Variants in CEP57 observed in about 807,000 individuals in gnomAD.
CEP57 encodes centrosomal protein 57.
Under a neutral mutation model 68.0 loss-of-function variants are expected in CEP57, and 40 were observed. The observed-to-expected ratio is 0.59, with a 90% CI of 0.46 to 0.77. The LOEUF (loss-of-function observed/expected upper bound fraction) is 0.77, where lower values mean the gene tolerates loss of function less well. CEP57 is among the 30% of genes least tolerant of loss of function. The probability of loss-of-function intolerance (pLI) is 0.00; values close to 1 mark genes in which losing one functional copy is unlikely to be tolerated. For synonymous variants in CEP57, 219 were observed against 198.7 expected (o/e 1.10, Z -0.86); for missense variants, 606 against 580.7 (o/e 1.04, Z -0.45).
At chr11:95,790,843 T>G (rs1181277916) in intron 1 of CEP57, 100 bp downstream of exon 1, 4 of 1,401,910 alleles carry the variant, frequency 2.9e-6, no homozygotes, top group Non-Finnish European at 4.0e-6. Context: ...TCTGACGCAA[T>G]TCTGGAGGTC....
At chr11:95,798,940 T>C (rs1432169081) in intron 1 of CEP57, among the ~76,000 whole-genome samples, 2 of 152,224 alleles carry the variant, frequency 1.3e-5, no homozygotes, top group African/African-American at 4.8e-5. Flanking sequence ...AGTATATATT[T>C]TTAACTGCGG....
chr11:95,812,670 C>T (rs1406385627), intron 2 of CEP57, among the ~76,000 whole-genome samples: 5 of 152,050 alleles, frequency 3.3e-5, no homozygotes, highest in Non-Finnish European at 7.4e-5. Context: ...GAACTCCTAA[C>T]CTCAGGTGAT....
chr11:95,824,677 C>T (rs1383056178), intron 8 of CEP57, among the ~76,000 whole-genome samples: 1 of 152,158 alleles, frequency 6.6e-6, no homozygotes, highest in African/African-American at 2.4e-5. Flanking sequence ...TCTGGAAAAA[C>T]ATGATGCCAC....
intron 8 of CEP57, chr11:95,826,807 C>G (rs891936814): frequency 4.6e-5 from 7 of 152,170 alleles, no homozygotes; most frequent in Admixed American, 1.3e-4. Context: ...ATAGTGGTTA[C>G]ATCGATTGAT....
chr11:95,827,684 A>G (rs182190982), intron 8 of CEP57, 102 bp from the exon 9 acceptor site: 3 of 1,303,576 alleles, frequency 2.3e-6, no homozygotes, highest in African/African-American at 1.5e-5. Context: ...TATATACTCT[A>G]CTTTAGGGGG....
intron 3 of CEP57, 40 bp downstream of exon 3, chr11:95,813,151 T>G: frequency 1.9e-6 from 3 of 1,573,178 alleles, no homozygotes; most frequent in Non-Finnish European, 2.6e-6. Flanking sequence ...TCAAAATAAG[T>G]GTTGTGCAGT....
At position 95,813,129 on chromosome 11, in the gene CEP57, ATT is replaced by A. The variant is rs1357095238; in HGVS notation, c.382+19_382+20del. The A allele has an allele frequency of 6.2e-7, 1 of 1,607,864 alleles. No homozygotes were observed. The highest frequency in any genetic ancestry group is 1.3e-5 in the African/African-American group (1 of 74,912). ...CAATCAAGGTTTGTTGATGAAGAAA[ATT>A]AAAATTCTATCAAAATAAGTGTTGT... On this transcript the variant is annotated intron_variant, in intron 3 of 10. Coordinates refer to ENST00000325542, the MANE Select transcript of CEP57 (RefSeq NM_014679.5).
At chr11:95,819,034 T>A in intron 6 of CEP57, 130 bp downstream of exon 6, 1 of 717,370 alleles carries the variant, frequency 1.4e-6, no homozygotes, top group Non-Finnish European at 2.4e-6. Context: ...TTTTCAGATA[T>A]AGGTTAATGT....
At position 95,813,099 on chromosome 11, in the gene CEP57, A is replaced by G; in HGVS notation, c.370A>G (p.Lys124Glu). Residue 124 changes from lysine to glutamate, a missense_variant, in exon 3 of 11, where the codon AAG (lysine) becomes GAG (glutamate). Coordinates refer to ENST00000325542, the MANE Select transcript of CEP57 (RefSeq NM_014679.5). ...GGAGAATTCAAAGAATGAGGAATCAAAGCACAATCAAGGTTTGTTGATGAA... is the reference window on the plus strand; with the variant it reads ...GGAGAATTCAAAGAATGAGGAATCAGAGCACAATCAAGGTTTGTTGATGAA... ...ERENSKNEES[K>E]HNQELTSQLL... is the part of the protein sequence containing the mutation. 2 of 1,612,632 alleles carry G rather than the reference A, an allele frequency of 1.2e-6. No individual in the cohort carries two copies. Among genetic ancestry groups the G allele is most frequent in the South Asian group, 1.1e-5 (1 of 90,988 alleles).
At chr11:95,816,404 C>G (rs1293715005) in intron 4 of CEP57, among the ~76,000 whole-genome samples, 1 of 152,032 alleles carries the variant, frequency 6.6e-6, no homozygotes, top group African/African-American at 2.4e-5. Context: ...AGAGGTAGAC[C>G]ACATCAATAA....
At position 95,831,914 on chromosome 11, in the gene CEP57, A is replaced by G. The variant is rs768404933; in HGVS notation, c.*658A>G. 2.0e-5 allele frequency: 3 copies of G among 152,172 alleles called. No individual in the cohort carries two copies. The highest frequency in any genetic ancestry group is 2.9e-5 in the Non-Finnish European group (2 of 68,022). The allele number at this position is 152,172 out of a possible 1,614,324, so 9.4% of individuals were successfully genotyped here. A position where few individuals can be genotyped will look rare whatever the true frequency, so the allele number is the denominator to read the frequency against. ...TATAAAAATTATAAAAGGATTTTTG[A>G]AAGTATAAACAAATTGTCAGTGAAA... On this transcript the variant is annotated 3_prime_UTR_variant, in exon 11 of 11. Transcript: ENST00000325542.
At chr11:95,798,902 T>C (rs1365938521) in intron 1 of CEP57, among the ~76,000 whole-genome samples, 1 of 152,164 alleles carries the variant, frequency 6.6e-6, no homozygotes, top group Non-Finnish European at 1.5e-5. Context: ...AAAAATAATG[T>C]TTTTATTTTT....
chr11:95,814,348 C>T (rs1182771130), intron 4 of CEP57, among the ~76,000 whole-genome samples: 2 of 149,426 alleles, frequency 1.3e-5, no homozygotes, highest in African/African-American at 2.5e-5. Flanking sequence ...TGTCCCTGGC[C>T]TTGTGTGTAT....
chr11:95,790,568 A>G lies in CEP57; in HGVS notation c.-131A>G, dbSNP rs1860975085. The G allele has an allele frequency of 1.8e-6, 2 of 1,096,142 alleles. No homozygotes were observed. Among genetic ancestry groups the G allele is most frequent in the Non-Finnish European group, 2.7e-6 (2 of 739,926 alleles). 67.9% of individuals were successfully genotyped at this position (1,096,142 alleles called of 1,614,324 possible). A position where few individuals can be genotyped will look rare whatever the true frequency, so the allele number is the denominator to read the frequency against. On this transcript the variant is annotated 5_prime_UTR_variant, in exon 1 of 11. Coordinates refer to ENST00000325542, the MANE Select transcript of CEP57 (RefSeq NM_014679.5). ...TGCAGGGGTTTCCAAGCCCAGCACC[A>G]GCACCCTTGCCCTTTTCCATCAGGG...
intron 4 of CEP57, among the ~76,000 whole-genome samples, chr11:95,817,362 T>C (rs550266260): frequency 6.6e-6 from 1 of 152,114 alleles, no homozygotes; most frequent in South Asian, 2.1e-4. Flanking sequence ...CGAGACTCTA[T>C]CTCAAAAATA....
At chr11:95,804,263 A>T (rs1861699695) in intron 2 of CEP57, among the ~76,000 whole-genome samples, 1 of 152,234 alleles carries the variant, frequency 6.6e-6, no homozygotes, top group Non-Finnish European at 1.5e-5. Flanking sequence ...TAGCAGCTTC[A>T]TGTAATACTA....
At chr11:95,792,772 C>G (rs910647445) in intron 1 of CEP57, among the ~76,000 whole-genome samples, 1 of 151,976 alleles carries the variant, frequency 6.6e-6, no homozygotes, top group Non-Finnish European at 1.5e-5. Context: ...TACTGTTTCT[C>G]AAAACAAAAA....
chr11:95,807,164 T>C (rs1344659105), intron 2 of CEP57, among the ~76,000 whole-genome samples: 1 of 152,152 alleles, frequency 6.6e-6, no homozygotes, highest in Non-Finnish European at 1.5e-5. Flanking sequence ...TCCTGACTGT[T>C]AGAAGGAAAA....
At chr11:95,793,371 C>G (rs1361583675) in intron 1 of CEP57, among the ~76,000 whole-genome samples, 1 of 150,602 alleles carries the variant, frequency 6.6e-6, no homozygotes, top group African/African-American at 2.5e-5. Flanking sequence ...TCACAATAAC[C>G]TTGGTGATTA....
Sources: allele counts gnomAD v4.1 joint callset (sites outside exome capture counted in the v4.1 genomes callset), GRCh38; gene constraint gnomAD v4.1.1; transcripts MANE v1.5; gene names NCBI Gene and HGNC (gene_info 2026-07-23, HGNC 2026-07-21).